The following PCDH7 variants were observed in gnomAD, a reference collection of about 807,000 sequenced individuals.
PCDH7 encodes protocadherin-7.
Under a neutral mutation model 58.9 loss-of-function variants are expected in PCDH7, and 17 were observed. The observed-to-expected ratio is 0.29, with a 90% CI of 0.20 to 0.43. The LOEUF (loss-of-function observed/expected upper bound fraction) is 0.43. Among genes scored for constraint, PCDH7 ranks in the 20% least tolerant of loss-of-function variants. The pLI is 1.00. For missense variants in PCDH7, 1,274 were observed against 1,441.0 expected, an observed-to-expected ratio of 0.88 and a Z score of 1.88; for synonymous variants, 664 against 616.4, an observed-to-expected ratio of 1.08 and a Z score of -1.14.
chr4:30,815,553 C>A (rs1727565357), intron 1 of PCDH7, among the ~76,000 whole-genome samples: 1 of 152,188 alleles, frequency 6.6e-6, no homozygotes, highest in Admixed American at 6.5e-5. Context: ...TGTCCACATG[C>A]CTGTGGCCTG....
At chr4:30,992,624 A>T (rs1289096208) in intron 3 of PCDH7, among the ~76,000 whole-genome samples, 1 of 152,080 alleles carries the variant, frequency 6.6e-6, no homozygotes, top group Non-Finnish European at 1.5e-5. Context: ...AAATCATCTT[A>T]TAAATCACAA....
intron 1 of PCDH7, among the ~76,000 whole-genome samples, chr4:30,782,155 G>C (rs1722889938): frequency 6.6e-6 from 1 of 152,088 alleles, no homozygotes. Flanking sequence ...GAAGTTTCTA[G>C]AACTGAGCTT....
chr4:30,769,526 T>A (rs1721142373), intron 1 of PCDH7, among the ~76,000 whole-genome samples: 2 of 152,308 alleles, frequency 1.3e-5, no homozygotes, highest in South Asian at 4.1e-4. Flanking sequence ...ATCTTCCTTT[T>A]AATTGTGCTT....
In PCDH7 at chr4:31,142,517, C is replaced by T. The variant is rs559885543; in HGVS notation, c.*52C>T. On this transcript the variant is annotated 3_prime_UTR_variant, in exon 4 of 4. Coordinates refer to the PCDH7 transcript ENST00000509759. ...TGTAGCCCTGACTGGGAAGTGCACT[C>T]GTGAGTGTGATGAGTATGGCCACTC... is the stretch of plus-strand genomic sequence containing the variant. 3.8e-5 allele frequency: 52 copies of T among 1,367,662 alleles called. No individual in the cohort carries two copies. In the East Asian group the frequency reaches 1.6e-3, roughly 43 times the overall value. 84.7% of individuals were successfully genotyped at this position (1,367,662 alleles called of 1,614,324 possible). A position where few individuals can be genotyped will look rare whatever the true frequency, so the allele number is the denominator to read the frequency against.
Position 30,783,129 on chromosome 4 carries a change from T to A in PCDH7, c.70+58533T>A, listed in dbSNP as rs546405452. The A allele has an allele frequency of 3.3e-5, 5 of 152,300 alleles. No homozygotes were observed. In the South Asian group the frequency reaches 1.0e-3, roughly 32 times the overall value. The allele number at this position is 152,300 out of a possible 1,614,324, so 9.4% of individuals were successfully genotyped here. A position where few individuals can be genotyped will look rare whatever the true frequency, so the allele number is the denominator to read the frequency against. ...ATTGTCTTTCTCATAGTCCTCCACT[T>A]TCCTAAATCCCATGTTCACTCTATG... On this transcript the variant is annotated intron_variant, in intron 1 of 3. Coordinates refer to the PCDH7 transcript ENST00000509759.
chr4:31,027,019 T>G (rs142754592), intron 3 of PCDH7, among the ~76,000 whole-genome samples: 1 of 152,312 alleles, frequency 6.6e-6, no homozygotes, highest in Non-Finnish European at 1.5e-5. Flanking sequence ...TTTAAAAAAC[T>G]AATCTAATGC....
At position 30,722,166 on chromosome 4, in the gene PCDH7, G is replaced by A. The variant is rs1713721612; in HGVS notation, c.744G>A (p.Val248=). The A allele has an allele frequency of 6.5e-7, 1 of 1,533,162 alleles. No homozygotes were observed. The highest frequency in any genetic ancestry group is 2.0e-5 in the Admixed American group (1 of 50,432). 95.0% of individuals were successfully genotyped at this position (1,533,162 alleles called of 1,614,324 possible). ...GCAGCAGCGTGTTCGAGCTGCAGGT[G>A]GCGGACACCCCGGACGGCGAGAAGC... Residue 248 remains valine, a synonymous_variant, in exon 1 of 2, where the codon GTG becomes GTA. Coordinates refer to ENST00000361762, the Ensembl canonical transcript of PCDH7. This position sits in a 1 kb window ranked among gnomAD's most constrained non-coding sequence, Gnocchi z 7.6.
At chr4:30,915,685 A>G (rs1742364774) in intron 1 of PCDH7, among the ~76,000 whole-genome samples, 1 of 152,018 alleles carries the variant, frequency 6.6e-6, no homozygotes, top group Admixed American at 6.6e-5. Context: ...CACCACGTCC[A>G]GCTAATTTTT....
intron 2 of PCDH7, among the ~76,000 whole-genome samples, chr4:30,936,910 A>G (rs138720560): frequency 5.9e-5 from 9 of 152,144 alleles, no homozygotes; most frequent in Non-Finnish European, 1.3e-4. Flanking sequence ...TTATGGTTCA[A>G]CTTGATAGTT....
chr4:31,105,316 A>G (rs1715415020), intron 3 of PCDH7, among the ~76,000 whole-genome samples: 2 of 152,310 alleles, frequency 1.3e-5, no homozygotes, highest in African/African-American at 4.8e-5. Flanking sequence ...GAGAATAGCA[A>G]TATTCTATTT....
intron 1 of PCDH7, among the ~76,000 whole-genome samples, chr4:30,889,394 G>A (rs898332449): frequency 5.9e-5 from 9 of 151,768 alleles, no homozygotes; most frequent in African/African-American, 9.7e-5. Flanking sequence ...CAAATTGATC[G>A]TTGTCAACAT....
chr4:31,050,419 T>A (rs1262037623), intron 3 of PCDH7, among the ~76,000 whole-genome samples: 1 of 152,136 alleles, frequency 6.6e-6, no homozygotes. Flanking sequence ...ACAGTTACAT[T>A]GGCTCAGAAA....
chr4:31,039,474 A>G (rs1312362415), intron 3 of PCDH7, among the ~76,000 whole-genome samples: 1 of 152,052 alleles, frequency 6.6e-6, no homozygotes, highest in Non-Finnish European at 1.5e-5. Context: ...GTGGTGCTCT[A>G]CGGCCTTGAA....
At chr4:31,042,817 C>T (rs1271783206) in intron 3 of PCDH7, among the ~76,000 whole-genome samples, 1 of 151,934 alleles carries the variant, frequency 6.6e-6, no homozygotes, top group African/African-American at 2.4e-5. Flanking sequence ...ATTTTTTGTT[C>T]CTTTAACAGA....
At chr4:30,985,721 G>A (rs1483219678) in intron 3 of PCDH7, among the ~76,000 whole-genome samples, 4 of 152,080 alleles carry the variant, frequency 2.6e-5, no homozygotes, top group East Asian at 1.9e-4. Flanking sequence ...CTAACTCATC[G>A]CACATTTTCC....
chr4:30,746,081 A>C lies in PCDH7; in HGVS notation c.70+21485A>C, dbSNP rs189805594. Among the ~76,000 whole-genome samples, 365 of 152,256 alleles carry C rather than the reference A, an allele frequency of 2.4e-3. 2 individuals are homozygous for C. The highest frequency in any genetic ancestry group is 8.0e-3 in the African/African-American group (334 of 41,550). ...TGACCTCAAGTGATCCGCCTGCCTCAGCCTCCAAAAGTGCTGGGATTACAG... is the reference window on the plus strand; with the variant it reads ...TGACCTCAAGTGATCCGCCTGCCTCCGCCTCCAAAAGTGCTGGGATTACAG... On this transcript the variant is annotated intron_variant, in intron 1 of 3. Coordinates refer to the PCDH7 transcript ENST00000509759.
At chr4:30,888,729 G>A (rs777823925) in intron 1 of PCDH7, among the ~76,000 whole-genome samples, 7 of 152,044 alleles carry the variant, frequency 4.6e-5, no homozygotes, top group Non-Finnish European at 1.0e-4. Flanking sequence ...CCGGTAACTG[G>A]GAAGAGAAGA....
chr4:30,733,243 A>C (rs1715768913), downstream of PCDH7, among the ~76,000 whole-genome samples: 1 of 152,174 alleles, frequency 6.6e-6, no homozygotes, highest in Non-Finnish European at 1.5e-5. Context: ...GACAATAATT[A>C]ATTCTCCATT....
At position 30,816,727 on chromosome 4, in the gene PCDH7, T is replaced by C. The variant is rs370730197; in HGVS notation, c.70+92131T>C. 3.3e-5 allele frequency among the ~76,000 whole-genome samples: 5 copies of C among 152,268 alleles called. No homozygotes were observed. The East Asian group carries it at 5.8e-4, about 18-fold the overall frequency. ...AATGTATATTCATTTTTCAAGATGT[T>C]TTCTATAGTGAATTTGAGCCAGAAT... On this transcript the variant is annotated intron_variant, in intron 1 of 3. Coordinates refer to the PCDH7 transcript ENST00000509759.
Sources: allele counts gnomAD v4.1 joint callset (sites outside exome capture counted in the v4.1 genomes callset), GRCh38; gene constraint gnomAD v4.1.1; non-coding constraint Gnocchi (gnomAD v3.1); transcripts MANE v1.5; gene names NCBI Gene and HGNC (gene_info 2026-07-23, HGNC 2026-07-21).